The following TEX9 variants were observed in gnomAD, a reference collection of about 807,000 sequenced individuals.
TEX9 encodes the protein testis expressed 9, also known as testis-expressed protein 9.
A neutral mutation model predicts 59.6 loss-of-function variants in TEX9; 74 were observed. The observed-to-expected ratio is 1.24, with a 90% CI of 1.03 to 1.51. The LOEUF is 1.51. Among genes scored for constraint, TEX9 ranks in the 40% most tolerant of loss-of-function variants. TEX9 has a pLI of 0.00. For synonymous variants in TEX9, 186 were observed against 152.2 expected (o/e 1.22, Z -1.64); for missense variants, 522 against 447.8 (o/e 1.17, Z -1.49).
At chr15:56,435,938 T>C (rs1412446049) in intron 12 of TEX9, among the ~76,000 whole-genome samples, 2 of 152,060 alleles carry the variant, frequency 1.3e-5, no homozygotes, top group East Asian at 3.9e-4. Flanking sequence ...AAAAGAATTA[T>C]TCACCATGAC....
intron 9 of TEX9, among the ~76,000 whole-genome samples, chr15:56,403,338 A>G (rs1392639031): frequency 2.6e-5 from 4 of 152,232 alleles, no homozygotes; most frequent in Non-Finnish European, 4.4e-5. Context: ...CTATACACCA[A>G]TAACAGACAC....
chr15:56,368,282 G>A (rs940218024), intron 2 of TEX9, among the ~76,000 whole-genome samples: 4 of 151,954 alleles, frequency 2.6e-5, no homozygotes, highest in Non-Finnish European at 5.9e-5. Flanking sequence ...AACTACAAAG[G>A]CAGGTTTCTT....
intron 1 of TEX9, among the ~76,000 whole-genome samples, chr15:56,265,517 G>T (rs72740524): frequency 0.066 from 10,048 of 151,946 alleles, 442 homozygotes; most frequent in Non-Finnish European, 0.1. Context: ...TTCACTATGA[G>T]GGCAGCTTTA....
chr15:56,244,250 C>T (rs759470853), exon 1 of TEX9: 2 of 150,454 alleles, frequency 1.3e-5, no homozygotes, highest in Non-Finnish European at 3.0e-5. Context: ...ATTACTTCCT[C>T]CCTGAGTAAA....
At chr15:56,276,519 T>A (rs1430752191) in intron 1 of TEX9, among the ~76,000 whole-genome samples, 1 of 152,226 alleles carries the variant, frequency 6.6e-6, no homozygotes, top group African/African-American at 2.4e-5. Context: ...CATTCTTTTT[T>A]ATGGTTGAAT....
At chr15:56,251,739 G>A (rs1479078111) in intron 1 of TEX9, among the ~76,000 whole-genome samples, 5 of 152,128 alleles carry the variant, frequency 3.3e-5, no homozygotes, top group African/African-American at 1.2e-4. Context: ...CCCAGGGAAT[G>A]ATAGAAGCTG....
chr15:56,363,476 C>A (rs1055058102), upstream of TEX9, among the ~76,000 whole-genome samples: 3 of 152,042 alleles, frequency 2.0e-5, no homozygotes, highest in South Asian at 4.2e-4. Context: ...GCTATCCATC[C>A]TTTTGATTAT....
At chr15:56,444,953 TGTAA>T (rs1567151660) in intron 12 of TEX9, among the ~76,000 whole-genome samples, 1 of 152,030 alleles carries the variant, frequency 6.6e-6, no homozygotes, top group African/African-American at 2.4e-5. Flanking sequence ...TGAATACAAT[TGTAA>T]GTAGTTTCTT....
chr15:56,434,504 C>A (rs1041164353), intron 12 of TEX9: 1 of 1,191,512 alleles, frequency 8.4e-7, no homozygotes, highest in African/African-American at 1.5e-5. Context: ...TGAAATCATA[C>A]AAACTGAAAA....
At chr15:56,356,058 T>A (rs2046678472) in intron 1 of TEX9, among the ~76,000 whole-genome samples, 1 of 152,118 alleles carries the variant, frequency 6.6e-6, no homozygotes, top group African/African-American at 2.4e-5. Context: ...TGGTATTTTC[T>A]AAGTACATAT....
At chr15:56,351,467 T>C (rs1391028455) in intron 1 of TEX9, among the ~76,000 whole-genome samples, 1 of 152,150 alleles carries the variant, frequency 6.6e-6, no homozygotes, top group Non-Finnish European at 1.5e-5. Flanking sequence ...TCCACTTGAA[T>C]ATAAAAAAAG....
intron 12 of TEX9, among the ~76,000 whole-genome samples, chr15:56,440,155 TA>T (rs2050794937): frequency 6.6e-6 from 1 of 151,928 alleles, no homozygotes; most frequent in African/African-American, 2.4e-5. Context: ...GGACAGCAAA[TA>T]AGCACATGAA....
downstream of TEX9, among the ~76,000 whole-genome samples, chr15:56,448,681 C>G (rs185640741): frequency 4.0e-5 from 6 of 151,694 alleles, no homozygotes; most frequent in African/African-American, 1.2e-4. Context: ...TTATGAATAG[C>G]ACAGCAATAA....
At chr15:56,421,068 T>C (rs756640475) in intron 10 of TEX9, among the ~76,000 whole-genome samples, 1 of 151,860 alleles carries the variant, frequency 6.6e-6, no homozygotes, top group Non-Finnish European at 1.5e-5. Flanking sequence ...AATTGCTTGA[T>C]AGTGTTGTTC....
chr15:56,416,946 T>C (rs2049718266), intron 10 of TEX9, among the ~76,000 whole-genome samples: 1 of 151,820 alleles, frequency 6.6e-6, no homozygotes, highest in African/African-American at 2.4e-5. Context: ...AGGGTGTACA[T>C]GTCCAGGAAT....
At chr15:56,407,848 C>A (rs2049152566) in intron 9 of TEX9, among the ~76,000 whole-genome samples, 1 of 152,088 alleles carries the variant, frequency 6.6e-6, no homozygotes, top group Non-Finnish European at 1.5e-5. Context: ...AAATTTACAA[C>A]CTCGCTGCCT....
At chr15:56,382,854 G>C (rs1301245820) in intron 3 of TEX9, among the ~76,000 whole-genome samples, 4 of 152,216 alleles carry the variant, frequency 2.6e-5, no homozygotes, top group Admixed American at 6.5e-5. Context: ...CATGGCATAA[G>C]CAATCCTTTA....
chr15:56,253,257 T>A (rs1196443693), intron 1 of TEX9, among the ~76,000 whole-genome samples: 1 of 151,854 alleles, frequency 6.6e-6, no homozygotes, highest in East Asian at 1.9e-4. Flanking sequence ...CACCATTGGA[T>A]GGCAAGAAGA....
intron 12 of TEX9, chr15:56,428,519 T>C: frequency 1.0e-6 from 1 of 987,072 alleles, no homozygotes; most frequent in African/African-American, 1.6e-5. Context: ...GTTTGAATTA[T>C]TTTTATTCTT....
Sources: allele counts gnomAD v4.1 joint callset (sites outside exome capture counted in the v4.1 genomes callset), GRCh38; gene constraint gnomAD v4.1.1; transcripts MANE v1.5; gene names NCBI Gene and HGNC (gene_info 2026-07-23, HGNC 2026-07-21).